The following FBN1 variants were observed in gnomAD, a reference collection of about 807,000 sequenced individuals.
FBN1 encodes the protein fibrillin 1.
In FBN1, 29 loss-of-function variants were observed where a neutral mutation model predicts 365.1. The ratio of observed to expected loss-of-function variants is 0.08; its 90% CI spans 0.06 to 0.11. The LOEUF (loss-of-function observed/expected upper bound fraction) is 0.11. FBN1 is among the 10% of genes least tolerant of loss of function. FBN1 has a pLI of 1.00. For synonymous variants in FBN1, 1,210 were observed against 1,270.5 expected (o/e 0.95, Z 1.01); for missense variants, 2,476 against 3,703.2 (o/e 0.67, Z 8.60).
At chr15:48,414,887 C>T (rs1243261825) in intron 64 of FBN1, among the ~76,000 whole-genome samples, 3 of 92,384 alleles carry the variant, frequency 3.2e-5, no homozygotes, top group Admixed American at 2.5e-4. Flanking sequence ...CAGAGCAAGA[C>T]TCCGTCTAAA....
In FBN1 at chr15:48,510,092, C is replaced by T. The variant is rs1239988676; in HGVS notation, c.1666G>A (p.Val556Met). The T allele has an allele frequency of 8.1e-6, 13 of 1,613,270 alleles. No homozygotes were observed. Among genetic ancestry groups the T allele is most frequent in the Non-Finnish European group, 1.0e-5 (12 of 1,179,550 alleles). ...CINTDGSFHC[V>M]CNAGFHVTRD... is the part of the protein sequence containing the mutation. ...GTAACATGAAAGCCCGCATTACACA[C>T]GCAATGAAAACTGCCATCTGTGTTG... The change falls in exon 14 of 66, where the codon GTG (valine) becomes ATG (methionine). Residue 556 changes from valine (V) to methionine (M), a missense_variant. Around this residue, in one of 5 missense-constraint regions of FBN1, gnomAD observed 1,780 missense variants for 2,840.8 expected, o/e 0.63. Coordinates refer to ENST00000316623, the MANE Select transcript of FBN1 (RefSeq NM_000138.5).
Position 48,494,241 on chromosome 15 carries a change from A to G in FBN1, c.2691T>C (p.Gly897=), listed in dbSNP as rs1555399096. ...TTCCTTTAATTCTTGAGTACCCTTT[A>G]CCACATATGGGATCTGTAATAAAAA... ...CTLCQVDPIC[G]KGYSRIKGTQ... Residue 897 remains glycine, a synonymous_variant, in exon 23 of 66, where the codon GGT becomes GGC. Coordinates refer to ENST00000316623, the MANE Select transcript of FBN1 (RefSeq NM_000138.5). 3.7e-6 allele frequency: 6 copies of G among 1,612,946 alleles called. No homozygotes were observed. The highest frequency in any genetic ancestry group is 4.2e-6 in the Non-Finnish European group (5 of 1,179,154).
intron 6 of FBN1, among the ~76,000 whole-genome samples, chr15:48,591,751 G>T (rs766892806): frequency 6.7e-6 from 1 of 150,022 alleles, no homozygotes; most frequent in African/African-American, 2.5e-5. Flanking sequence ...TCAGAGTTAC[G>T]AGTGGCCCCT....
chr15:48,445,147 TATATATATAC>T (rs1344539451), intron 48 of FBN1, among the ~76,000 whole-genome samples: 73 of 107,454 alleles, frequency 6.8e-4, no homozygotes, highest in Non-Finnish European at 2.9e-4. Flanking sequence ...CACACACACA[TATATATATAC>T]ATATATATAT....
intron 38 of FBN1, among the ~76,000 whole-genome samples, chr15:48,467,108 C>T (rs141454631): frequency 3.3e-5 from 5 of 152,320 alleles, no homozygotes; most frequent in African/African-American, 1.2e-4. Flanking sequence ...ACCAGGTGTG[C>T]TCTTTGTACC....
At chr15:48,602,401 C>T (rs2044574223) in intron 4 of FBN1, among the ~76,000 whole-genome samples, 1 of 152,156 alleles carries the variant, frequency 6.6e-6, no homozygotes, top group South Asian at 2.1e-4. Context: ...TGCAATACCT[C>T]TTAAGTGCCT....
At position 48,558,495 on chromosome 15, in the gene FBN1, GT is replaced by G. The variant is rs530728051; in HGVS notation, c.539-20688del. On this transcript the variant is annotated intron_variant, in intron 6 of 65. Coordinates refer to ENST00000316623, the MANE Select transcript of FBN1 (RefSeq NM_000138.5). Reference sequence around the variant, plus strand: ...TTACAGCCCAGTCAAGCAAAGCATAGTTTTTTTTGTTAAAGCTGTTTTGGCT... The same window carrying G: ...TTACAGCCCAGTCAAGCAAAGCATAGTTTTTTTGTTAAAGCTGTTTTGGCT... Among the ~76,000 whole-genome samples, 481 of 152,118 alleles carry G rather than the reference GT, an allele frequency of 3.2e-3. 5 individuals are homozygous for G. The highest frequency in any genetic ancestry group is 0.011 in the African/African-American group (457 of 41,476).
Position 48,456,243 on chromosome 15 carries a change from G to A in FBN1, c.5422+394C>T, listed in dbSNP as rs140858220. Among the ~76,000 whole-genome samples the A allele has an allele frequency of 4.2e-3, 642 of 152,308 alleles. 5 individuals are homozygous for A. The highest frequency in any genetic ancestry group is 6.8e-3 in the Middle Eastern group (2 of 294). On this transcript the variant is annotated intron_variant, in intron 44 of 65. Transcript: ENST00000316623. ...CTGCATTAACCTTGTTTTCACTTGG[G>A]AGTAGCAAAGTCTCTGTCTGGAAGA... is the stretch of plus-strand genomic sequence containing the variant.
intron 4 of FBN1, among the ~76,000 whole-genome samples, chr15:48,606,809 T>G (rs756742866): frequency 8.7e-4 from 133 of 152,258 alleles, no homozygotes; most frequent in Admixed American, 3.1e-3. Context: ...AAACTCATGT[T>G]GAAATTTAAT....
chr15:48,434,115 CA>C (rs1207695630), intron 54 of FBN1, among the ~76,000 whole-genome samples: 3 of 152,294 alleles, frequency 2.0e-5, no homozygotes, highest in African/African-American at 7.2e-5. Flanking sequence ...TACGGATGGA[CA>C]CTTTTCAGAT....
chr15:48,536,201 G>A (rs763131425), intron 7 of FBN1, among the ~76,000 whole-genome samples: 1 of 152,132 alleles, frequency 6.6e-6, no homozygotes, highest in Non-Finnish European at 1.5e-5. Context: ...GTGATTCAAT[G>A]GGTTTTCAAA....
intron 4 of FBN1, among the ~76,000 whole-genome samples, chr15:48,608,184 TGAAA>T (rs1597630083): frequency 6.6e-6 from 1 of 152,314 alleles, no homozygotes; most frequent in East Asian, 1.9e-4. Context: ...AAAAACCACC[TGAAA>T]GAACAACACT....
chr15:48,435,463 G>C (rs1299334870), intron 53 of FBN1, among the ~76,000 whole-genome samples: 2 of 151,698 alleles, frequency 1.3e-5, no homozygotes, highest in Non-Finnish European at 2.9e-5. Context: ...TAAAATAAAA[G>C]ACTAAACTTA....
chr15:48,575,577 TTA>T (rs2044340110), intron 6 of FBN1, among the ~76,000 whole-genome samples: 2 of 152,286 alleles, frequency 1.3e-5, no homozygotes, highest in South Asian at 4.1e-4. Flanking sequence ...TAGCTCACAC[TTA>T]TAAGTGAAAA....
chr15:48,520,946 C>CG (rs1445468072), intron 9 of FBN1, 129 bp from the exon 10 acceptor site: 1 of 1,263,634 alleles, frequency 7.9e-7, no homozygotes, highest in East Asian at 2.4e-5. Context: ...CTCTGCCCCC[C>CG]GGAAGGGAAG....
intron 6 of FBN1, among the ~76,000 whole-genome samples, chr15:48,555,834 C>A (rs2044175681): frequency 6.6e-6 from 1 of 152,168 alleles, no homozygotes; most frequent in East Asian, 1.9e-4. Flanking sequence ...TTAATTAATT[C>A]TCCAACTCAG....
chr15:48,444,111 C>T (rs183558640), intron 49 of FBN1, among the ~76,000 whole-genome samples: 1 of 152,290 alleles, frequency 6.6e-6, no homozygotes, highest in African/African-American at 2.4e-5. Flanking sequence ...ATTTCCACTG[C>T]TCTATAGGTA....
intron 6 of FBN1, among the ~76,000 whole-genome samples, chr15:48,559,516 G>C (rs1035662753): frequency 1.3e-5 from 2 of 152,108 alleles, no homozygotes; most frequent in Non-Finnish European, 1.5e-5. Flanking sequence ...CCAGGGTCCG[G>C]AGCAAAGCAC....
chr15:48,539,555 T>C (rs1336926877), intron 6 of FBN1, among the ~76,000 whole-genome samples: 2 of 152,206 alleles, frequency 1.3e-5, no homozygotes, highest in Non-Finnish European at 2.9e-5. Flanking sequence ...GATTTCACAG[T>C]TATGTCTGCT....
Sources: gnomAD v4.1 joint callset for allele counts (sites outside exome capture counted in the v4.1 genomes callset) on GRCh38, gnomAD v4.1.1 for gene constraint, gnomAD v4.1.1 regional missense constraint, MANE v1.5 for transcripts, NCBI Gene and HGNC (gene_info 2026-07-23, HGNC 2026-07-21) for gene names.